GOLIM4: variants seen among roughly 807,000 people sequenced by gnomAD.
GOLIM4 encodes the protein golgi integral membrane protein 4, also known as 130 kDa golgi-localized phosphoprotein.
Under a neutral mutation model 107.4 loss-of-function variants are expected in GOLIM4, and 71 were observed. The ratio of observed to expected loss-of-function variants is 0.66; its 90% CI spans 0.55 to 0.81. GOLIM4 has a LOEUF of 0.81. Ranked by LOEUF, GOLIM4 falls within the 30% of genes least tolerant of loss-of-function variation. GOLIM4 has a pLI of 0.00. For synonymous variants in GOLIM4, 327 were observed against 294.8 expected, an observed-to-expected ratio of 1.11 and a Z score of -1.12; for missense variants, 830 against 826.1, an observed-to-expected ratio of 1.00 and a Z score of -0.06.
chr3:168,063,498 T>C (rs1720373722), intron 1 of GOLIM4, among the ~76,000 whole-genome samples: 1 of 152,154 alleles, frequency 6.6e-6, no homozygotes, highest in African/African-American at 2.4e-5. Flanking sequence ...AATGAATATT[T>C]TCCTGATGTG....
Position 168,044,813 on chromosome 3 carries a change from CT to C in GOLIM4, c.366+14del. The C allele has an allele frequency of 7.0e-7, 1 of 1,437,328 alleles. No individual in the cohort carries two copies. The highest frequency in any genetic ancestry group is 9.7e-7 in the Non-Finnish European group (1 of 1,035,436). The allele number at this position is 1,437,328 out of a possible 1,614,324, so 89.0% of individuals were successfully genotyped here. A position where few individuals can be genotyped will look rare whatever the true frequency, so the allele number is the denominator to read the frequency against. ...CCTTTCTTTTATTCATAAATAACAACTTTAGATTACTCACTTTCAACATCTG... is the reference window on the plus strand; with the variant it reads ...CCTTTCTTTTATTCATAAATAACAACTTAGATTACTCACTTTCAACATCTG... On this transcript the variant is annotated intron_variant, in intron 4 of 15. Coordinates refer to ENST00000470487, the MANE Select transcript of GOLIM4 (RefSeq NM_014498.5).
In GOLIM4 at chr3:168,040,975, T is replaced by C. The variant is rs1718964068; in HGVS notation, c.601-106A>G. On this transcript the variant is annotated intron_variant, in intron 6 of 15. Coordinates refer to ENST00000470487, the MANE Select transcript of GOLIM4 (RefSeq NM_014498.5). Reference sequence around the variant, plus strand: ...CAAATGTTACTTGCTTGTTTATTTGTTGTTGTAGCAGCATGTGTTAAGTTT... The same window carrying C: ...CAAATGTTACTTGCTTGTTTATTTGCTGTTGTAGCAGCATGTGTTAAGTTT... 3 of 721,194 alleles carry C rather than the reference T, an allele frequency of 4.2e-6. No homozygotes were observed. In the African/African-American group the frequency reaches 5.2e-5, roughly 13 times the overall value. The allele number at this position is 721,194 out of a possible 1,614,324, so 44.7% of individuals were successfully genotyped here.
At chr3:168,059,749 G>A (rs1454607758) in intron 1 of GOLIM4, among the ~76,000 whole-genome samples, 1 of 152,186 alleles carries the variant, frequency 6.6e-6, no homozygotes, top group Non-Finnish European at 1.5e-5. Flanking sequence ...GGAGGCGTGG[G>A]GAGAATGGGC....
intron 1 of GOLIM4, among the ~76,000 whole-genome samples, chr3:168,087,749 C>G (rs1721698274): frequency 6.6e-6 from 1 of 152,120 alleles, no homozygotes; most frequent in African/African-American, 2.4e-5. Context: ...TTTCATCAGG[C>G]TAGATCTTGA....
chr3:168,046,388 A>G, intron 3 of GOLIM4, among the ~76,000 whole-genome samples: 1 of 152,004 alleles, frequency 6.6e-6, no homozygotes, highest in African/African-American at 2.4e-5. Context: ...AGTGGAGGGA[A>G]GGTCAGCAGA....
intron 14 of GOLIM4, among the ~76,000 whole-genome samples, chr3:168,019,316 TAC>T (rs1717552003): frequency 6.6e-6 from 1 of 152,236 alleles, no homozygotes; most frequent in Admixed American, 6.5e-5. Flanking sequence ...TTCTATTTTT[TAC>T]AGTGAATTAT....
At chr3:168,089,230 A>G (rs932856122) in intron 1 of GOLIM4, among the ~76,000 whole-genome samples, 1 of 152,352 alleles carries the variant, frequency 6.6e-6, no homozygotes, top group Admixed American at 6.5e-5. Flanking sequence ...CAAAAATGAT[A>G]GTCTCTTCAT....
intron 1 of GOLIM4, among the ~76,000 whole-genome samples, chr3:168,088,905 G>C (rs149307761): frequency 1.8e-4 from 28 of 152,090 alleles, no homozygotes; most frequent in African/African-American, 6.8e-4. Context: ...CAATCTACTT[G>C]GAACTTAAAC....
intron 14 of GOLIM4, among the ~76,000 whole-genome samples, chr3:168,015,735 C>T (rs1176450270): frequency 8.9e-5 from 12 of 134,780 alleles, no homozygotes; most frequent in Non-Finnish European, 1.3e-4. Context: ...GAAATAACGT[C>T]GCATATCTAC....
chr3:168,082,816 A>G (rs967426485), intron 1 of GOLIM4, among the ~76,000 whole-genome samples: 24 of 152,150 alleles, frequency 1.6e-4, no homozygotes, highest in Non-Finnish European at 5.9e-5. Context: ...GCAATGGGGC[A>G]GGAAGAGAAA....
intron 9 of GOLIM4, among the ~76,000 whole-genome samples, chr3:168,031,237 G>A (rs1375277493): frequency 6.6e-6 from 1 of 152,166 alleles, no homozygotes; most frequent in African/African-American, 2.4e-5. Flanking sequence ...TATAGTTAGA[G>A]AGAAGGAATA....
At chr3:168,024,770 T>C (rs1717904576) in intron 13 of GOLIM4, among the ~76,000 whole-genome samples, 158 bp downstream of exon 13, 1 of 152,104 alleles carries the variant, frequency 6.6e-6, no homozygotes, top group Non-Finnish European at 1.5e-5. Flanking sequence ...CGTTACCCTC[T>C]CTCTCAGAGT....
At chr3:168,063,394 ATTTTT>A (rs1462245421) in intron 1 of GOLIM4, among the ~76,000 whole-genome samples, 1 of 152,078 alleles carries the variant, frequency 6.6e-6, no homozygotes, top group Non-Finnish European at 1.5e-5. Flanking sequence ...TTAAGATTTT[ATTTTT>A]TTAATAGCAC....
intron 1 of GOLIM4, among the ~76,000 whole-genome samples, chr3:168,054,797 C>T (rs2108261243): frequency 6.6e-6 from 1 of 152,180 alleles, no homozygotes; most frequent in East Asian, 1.9e-4. Context: ...TGTCCCCACC[C>T]AAATCTCATC....
At chr3:168,083,406 G>A (rs1431361464) in intron 1 of GOLIM4, among the ~76,000 whole-genome samples, 1 of 152,162 alleles carries the variant, frequency 6.6e-6, no homozygotes. Context: ...AATGGGTTTT[G>A]AAACTTCCCA....
chr3:168,045,384 CCAG>C (rs1719239422), intron 3 of GOLIM4, among the ~76,000 whole-genome samples: 2 of 152,088 alleles, frequency 1.3e-5, no homozygotes, highest in Admixed American at 1.3e-4. Context: ...TGATTTTACC[CCAG>C]TGAGGCTCTA....
chr3:168,079,078 G>A (rs570697966), intron 1 of GOLIM4, among the ~76,000 whole-genome samples: 4 of 152,194 alleles, frequency 2.6e-5, no homozygotes, highest in African/African-American at 7.2e-5. Flanking sequence ...TCCTTATGTT[G>A]CATTAGCTTA....
chr3:168,089,820 G>A (rs1011613359), intron 1 of GOLIM4, among the ~76,000 whole-genome samples: 7 of 150,580 alleles, frequency 4.6e-5, no homozygotes, highest in Non-Finnish European at 8.9e-5. Context: ...CCAGGCTGGA[G>A]TGCAGGGGGG....
chr3:168,023,751 A>G (rs951796898), intron 14 of GOLIM4, among the ~76,000 whole-genome samples: 1 of 152,136 alleles, frequency 6.6e-6, no homozygotes, highest in South Asian at 2.1e-4. Context: ...TTTGTATCAG[A>G]CTCTTAAATA....
Sources: gnomAD v4.1 joint callset for allele counts (sites outside exome capture counted in the v4.1 genomes callset) on GRCh38, gnomAD v4.1.1 for gene constraint, MANE v1.5 for transcripts, NCBI Gene and HGNC (gene_info 2026-07-23, HGNC 2026-07-21) for gene names.